Variants in DPYSL2 observed in about 807,000 individuals in gnomAD.
The protein encoded by DPYSL2 is dihydropyrimidinase-related protein 2.
In DPYSL2, 13 loss-of-function variants were observed where a neutral mutation model predicts 69.9. That is an observed-to-expected ratio of 0.19 (90% confidence interval 0.12 to 0.30). The LOEUF is 0.30. DPYSL2 is among the 10% of genes least tolerant of loss of function. DPYSL2 has a pLI of 1.00. For missense variants in DPYSL2, 587 were observed against 918.9 expected, an observed-to-expected ratio of 0.64 and a Z score of 4.67; for synonymous variants, 326 against 359.1, an observed-to-expected ratio of 0.91 and a Z score of 1.04.
intron 3 of DPYSL2, among the ~76,000 whole-genome samples, chr8:26,613,236 TG>T (rs1209785223): frequency 6.6e-6 from 1 of 152,102 alleles, no homozygotes; most frequent in Non-Finnish European, 1.5e-5. Flanking sequence ...GAAATTACAG[TG>T]GGTTTGGAAT....
chr8:26,639,342 A>G (rs1802989961), intron 8 of DPYSL2, among the ~76,000 whole-genome samples: 2 of 152,382 alleles, frequency 1.3e-5, no homozygotes, highest in Non-Finnish European at 2.9e-5. Context: ...AAATCTGCAG[A>G]TCAGGCCACA....
chr8:26,655,467 G>C lies in DPYSL2; in HGVS notation c.1943-148G>C, dbSNP rs770187080. On this transcript the variant is annotated intron_variant, in intron 13 of 13. Transcript: ENST00000521913. ...GCTATGATGGTGCCATAGCACTTTGGTCTGGAAAACAGAGCAAGACGCTGT... is the reference window on the plus strand; with the variant it reads ...GCTATGATGGTGCCATAGCACTTTGCTCTGGAAAACAGAGCAAGACGCTGT... 6.7e-6 allele frequency: 4 copies of C among 600,324 alleles called. No individual in the cohort carries two copies. In the South Asian group the frequency reaches 1.1e-4, roughly 16 times the overall value. The allele number at this position is 600,324 out of a possible 1,614,324, so 37.2% of individuals were successfully genotyped here.
In DPYSL2 at chr8:26,614,924, C is replaced by T. The variant is rs1173145207; in HGVS notation, c.629-9219C>T. Among the ~76,000 whole-genome samples the T allele has an allele frequency of 1.3e-5, 2 of 152,224 alleles. No individual in the cohort carries two copies. The highest frequency in any genetic ancestry group is 4.8e-5 in the African/African-American group (2 of 41,462). On this transcript the variant is annotated intron_variant, in intron 3 of 13. Coordinates refer to ENST00000521913, the MANE Select transcript of DPYSL2 (RefSeq NM_001197293.3). This position sits in a 1 kb window ranked among gnomAD's most constrained non-coding sequence, Gnocchi z 4.9. ...AGGGATAAGACTGAATTTCACTTCT[C>T]AATTAACTAGCCCTCTTGCTCTCTT...
In DPYSL2 at chr8:26,619,929, A is replaced by G. The variant is rs887229217; in HGVS notation, c.629-4214A>G. On this transcript the variant is annotated intron_variant, in intron 3 of 13. Coordinates refer to ENST00000521913, the MANE Select transcript of DPYSL2 (RefSeq NM_001197293.3). This position sits in a 1 kb window ranked among gnomAD's most constrained non-coding sequence, Gnocchi z 4.8. Reference sequence around the variant, plus strand: ...AGTCTGAGGAGTCTAGCACCAGATGATCTGACGACACATCATTGGGATGTG... The same window carrying G: ...AGTCTGAGGAGTCTAGCACCAGATGGTCTGACGACACATCATTGGGATGTG... 1 of 151,954 alleles carries G rather than the reference A, an allele frequency of 6.6e-6. No homozygotes were observed. The allele number at this position is 151,954 out of a possible 1,614,324, so 9.4% of individuals were successfully genotyped here.
chr8:26,526,041 G>A (rs60334664), intron 1 of DPYSL2, among the ~76,000 whole-genome samples: 4,276 of 152,082 alleles, frequency 0.028, 208 homozygotes, highest in African/African-American at 0.096. Context: ...TATAGTGAAC[G>A]GGAAATTTCC....
intron 1 of DPYSL2, among the ~76,000 whole-genome samples, chr8:26,555,065 C>T (rs1393238315): frequency 1.4e-5 from 1 of 71,854 alleles, no homozygotes; most frequent in Non-Finnish European, 3.0e-5. Context: ...CAAAATTCAA[C>T]ATCTATTAGT....
rs987108867 is a variant in DPYSL2 at position 26,587,738 on chromosome 8, C to A, written c.628+3755C>A. ...AGAGACTGCAGACATACCCTGCAGG[C>A]GGCATCCAGACCGGCTGAGGGGTTG... On this transcript the variant is annotated intron_variant, in intron 3 of 13. Coordinates refer to ENST00000521913, the MANE Select transcript of DPYSL2 (RefSeq NM_001197293.3). This position sits in a 1 kb window ranked among gnomAD's most constrained non-coding sequence, Gnocchi z 4.2. Among the ~76,000 whole-genome samples the A allele has an allele frequency of 2.0e-5, 3 of 152,166 alleles. No individual in the cohort carries two copies. The highest frequency in any genetic ancestry group is 2.1e-4 in the South Asian group (1 of 4,830).
intron 1 of DPYSL2, among the ~76,000 whole-genome samples, chr8:26,530,983 G>T (rs563454031): frequency 4.6e-5 from 7 of 151,526 alleles, no homozygotes; most frequent in African/African-American, 1.7e-4. Context: ...GGTTTGAGCC[G>T]AGGAGTTTGA....
intron 7 of DPYSL2, among the ~76,000 whole-genome samples, chr8:26,634,517 G>A (rs1802855627): frequency 6.8e-6 from 1 of 147,062 alleles, no homozygotes; most frequent in Non-Finnish European, 1.5e-5. Flanking sequence ...CCTGATCTCA[G>A]GTAATCCACC....
At chr8:26,594,300 C>T (rs975853013) in intron 3 of DPYSL2, among the ~76,000 whole-genome samples, 2 of 152,148 alleles carry the variant, frequency 1.3e-5, no homozygotes, top group African/African-American at 4.8e-5. Flanking sequence ...CTCTCTCTCT[C>T]TCTCACACCT....
At chr8:26,630,943 A>G (rs1428463242) in intron 7 of DPYSL2, among the ~76,000 whole-genome samples, 3 of 152,144 alleles carry the variant, frequency 2.0e-5, no homozygotes, top group African/African-American at 7.2e-5. Context: ...CCTGCCATGT[A>G]CCAGCTGTAC....
At chr8:26,528,180 C>T (rs1047485886) in intron 1 of DPYSL2, among the ~76,000 whole-genome samples, 5 of 152,154 alleles carry the variant, frequency 3.3e-5, no homozygotes, top group Admixed American at 2.0e-4. Flanking sequence ...GAGGTGGCAC[C>T]TCTGCCTCTC....
In DPYSL2 at chr8:26,562,623, T is replaced by A. The variant is rs1801091415; in HGVS notation, c.355-19346T>A. On this transcript the variant is annotated intron_variant, in intron 1 of 13. Coordinates refer to ENST00000521913, the MANE Select transcript of DPYSL2 (RefSeq NM_001197293.3). This position sits in a 1 kb window ranked among gnomAD's most constrained non-coding sequence, Gnocchi z 4.9. ...TTTCCATGGCCCACAGTCCTGTAGA[T>A]GTGGTCCCTGCCTGCTGCTTTAACT... Among the ~76,000 whole-genome samples, 1 of 152,220 alleles carries A rather than the reference T, an allele frequency of 6.6e-6. No individual in the cohort carries two copies. The highest frequency in any genetic ancestry group is 6.5e-5 in the Admixed American group (1 of 15,280).
rs55746168 is a variant in DPYSL2 at position 26,634,428 on chromosome 8, C to CTTTTTTTTT, written c.1006-339_1006-331dup. The stretch of plus-strand genomic sequence containing the variant: ...TACAGTCACCTGCTGCCATGCCCAG[C>CTTTTTTTTT]TTTTTTTTTTTTTTTTTTTTTAATT... On this transcript the variant is annotated intron_variant, in intron 7 of 13. Transcript: ENST00000521913. 9.9e-5 allele frequency among the ~76,000 whole-genome samples: 9 copies of CTTTTTTTTT among 91,142 alleles called. 1 individual carries two copies. Among genetic ancestry groups the CTTTTTTTTT allele is most frequent in the Non-Finnish European group, 1.9e-4 (9 of 47,356 alleles). The allele number at this position is 91,142 out of a possible 152,430, so 59.8% of individuals were successfully genotyped here. A position where few individuals can be genotyped will look rare whatever the true frequency, so the allele number is the denominator to read the frequency against.
At chr8:26,577,941 T>G in intron 1 of DPYSL2, 1 of 1,214,832 alleles carries the variant, frequency 8.2e-7, no homozygotes, top group Non-Finnish European at 1.0e-6. Context: ...GAACCGAGGC[T>G]TTTATTGCTG....
intron 1 of DPYSL2, chr8:26,578,675 G>T: frequency 1.0e-6 from 1 of 962,040 alleles, no homozygotes. Flanking sequence ...GTGCTGCGAG[G>T]CTGGACTCCT....
intron 3 of DPYSL2, among the ~76,000 whole-genome samples, chr8:26,606,193 C>T (rs1292009841): frequency 6.6e-6 from 1 of 152,102 alleles, no homozygotes; most frequent in African/African-American, 2.4e-5. Context: ...ACATTTCACA[C>T]TCATGGTAAA....
chr8:26,639,263 G>A (rs2129958127), intron 8 of DPYSL2, among the ~76,000 whole-genome samples: 1 of 152,264 alleles, frequency 6.6e-6, no homozygotes, highest in African/African-American at 2.4e-5. Context: ...GTAGAGAAAG[G>A]GGGAAGATTT....
At chr8:26,529,276 C>CATCTATCT (rs1554531947) in intron 1 of DPYSL2, among the ~76,000 whole-genome samples, 15 of 136,286 alleles carry the variant, frequency 1.1e-4, no homozygotes, top group African/African-American at 3.6e-4. Flanking sequence ...ATCTATCTAT[C>CATCTATCT]ATCTATCTAT....
Sources: gnomAD v4.1 joint callset for allele counts (sites outside exome capture counted in the v4.1 genomes callset) on GRCh38, gnomAD v4.1.1 for gene constraint, Gnocchi (gnomAD v3.1) non-coding constraint, MANE v1.5 for transcripts, NCBI Gene and HGNC (gene_info 2026-07-23, HGNC 2026-07-21) for gene names.